Variants in PLD2 observed in about 807,000 individuals in gnomAD.
PLD2 encodes the protein choline phosphatase 2.
In PLD2, 101 loss-of-function variants were observed where a neutral mutation model predicts 119.8. The observed-to-expected ratio is 0.84, with a 90% CI of 0.72 to 0.99. The LOEUF is 0.99. Among genes scored for constraint, PLD2 ranks in the 50% least tolerant of loss-of-function variants. The pLI is 0.00. For missense variants in PLD2, 1,164 were observed against 1,226.8 expected, an observed-to-expected ratio of 0.95 and a Z score of 0.76; for synonymous variants, 494 against 482.8, an observed-to-expected ratio of 1.02 and a Z score of -0.30.
At position 4,818,494 on chromosome 17, in the gene PLD2, A is replaced by G; in HGVS notation, c.2010A>G (p.Lys670=). ...EIVDRILKAH[K]QGWCYRVYVL... ...ACCTCTGACTCCACCCCCTCCCCAG[A>G]CAGGGGTGGTGTTACCGAGTCTACG... The change falls in exon 20 of 25, where the codon AAA becomes AAG. Residue 670 remains lysine (K), a splice_region_variant and synonymous_variant. Coordinates refer to ENST00000263088, the MANE Select transcript of PLD2 (RefSeq NM_002663.5). The G allele has an allele frequency of 6.2e-7, 1 of 1,610,220 alleles. No homozygotes were observed.
rs190680584 is a variant in PLD2, at chr17:4,819,118, C to T, written c.2208C>T (p.Cys736=). The change falls in exon 22 of 25, where the codon TGC becomes TGT. Residue 736 remains cysteine (C), a synonymous_variant. Coordinates refer to ENST00000263088, the MANE Select transcript of PLD2 (RefSeq NM_002663.5). This position sits in a 1 kb window ranked among gnomAD's most constrained non-coding sequence, Gnocchi z 4.2. The stretch of plus-strand genomic sequence containing the variant: ...CATGGCGGGACTATATTTCCATCTG[C>T]GGGCTTCGTACACACGGAGAGCTGG... ...GTAWRDYISI[C]GLRTHGELGG... 1.2e-5 allele frequency: 19 copies of T among 1,614,180 alleles called. No individual in the cohort carries two copies. Among genetic ancestry groups the T allele is most frequent in the Middle Eastern group, 3.3e-4 (2 of 6,062 alleles).
chr17:4,814,711 G>A lies in PLD2; in HGVS notation c.1173G>A (p.Ala391=), dbSNP rs752387667. ...TGGACATTATGCTCAAGAGGAAGGC[G>A]GTGAGGAGAGTGGTCAGGCCGCAGG... The part of the protein sequence containing the change: ...WRLDIMLKRK[A]EEGVRVSILL... Residue 391 remains alanine, a splice_region_variant and synonymous_variant, in exon 12 of 25, where the codon GCG becomes GCA. Transcript: ENST00000263088. The A allele has an allele frequency of 2.0e-5, 33 of 1,613,708 alleles. No individual in the cohort carries two copies. The highest frequency in any genetic ancestry group is 3.3e-5 in the Admixed American group (2 of 59,958).
At position 4,809,904 on chromosome 17, in the gene PLD2, G is replaced by T. The variant is rs200261603; in HGVS notation, c.735G>T (p.Leu245=). Residue 245 remains leucine, a synonymous_variant, in exon 9 of 25, where the codon CTG becomes CTT. Coordinates refer to ENST00000263088, the MANE Select transcript of PLD2 (RefSeq NM_002663.5). ...GGCTGGTGGTGAAGGACTCCTTCCT[G>T]CTGTACATGTGCCTCGAGACAGGTG... ...KRWLVVKDSF[L]LYMCLETGAI... The T allele has an allele frequency of 8.9e-5, 143 of 1,614,206 alleles. No individual in the cohort carries two copies. The East Asian group carries it at 3.2e-3, about 36-fold the overall frequency.
chr17:4,812,911 G>C (rs757841131), intron 10 of PLD2, among the ~76,000 whole-genome samples: 3 of 152,186 alleles, frequency 2.0e-5, no homozygotes, highest in South Asian at 2.1e-4. Flanking sequence ...GAGAAGCTGG[G>C]AGTCAGTGGC....
Position 4,822,670 on chromosome 17 carries a change from C to G in PLD2, c.2608C>G (p.Arg870Gly), listed in dbSNP as rs775771052. The change falls in exon 25 of 25, where the codon CGT (arginine) becomes GGT (glycine). Residue 870 changes from arginine to glycine, a missense_variant. Physicochemically the swap from Arg to Gly is moderately radical, Grantham distance 125 (BLOSUM62 -2). Transcript: ENST00000263088. ...CCGCTGCCTGCCATCCAATGCCACG[C>G]GTTCCCTGCGGACTCTCCGGGAGTA... Reference protein sequence around the residue: ...IFRCLPSNATRSLRTLREYVA... With the variant: ...IFRCLPSNATGSLRTLREYVA... The G allele has an allele frequency of 6.2e-6, 10 of 1,612,904 alleles. No homozygotes were observed. In the African/African-American group the frequency reaches 1.1e-4, roughly 17 times the overall value.
rs1907692859 is a variant in PLD2 at position 4,821,800 on chromosome 17, C to G, written c.2470C>G (p.Leu824Val). 1 of 1,612,416 alleles carries G rather than the reference C, an allele frequency of 6.2e-7. No homozygotes were observed. Among genetic ancestry groups the G allele is most frequent in the Non-Finnish European group, 8.5e-7 (1 of 1,178,544 alleles). ...GACCCCTTTCTCCTATAGTGTGATT[C>G]TTGGAGCAAATACCCGGCCAGACTT... Reference protein sequence around the residue: ...SLRKHCFGVILGANTRPDLDL... With the variant: ...SLRKHCFGVIVGANTRPDLDL... Residue 824 changes from leucine (L) to valine (V), a missense_variant, in exon 24 of 25, where the codon CTT (leucine) becomes GTT (valine). By Grantham distance (32) the Leu-to-Val change is conservative. Coordinates refer to ENST00000263088, the MANE Select transcript of PLD2 (RefSeq NM_002663.5).
At position 4,809,753 on chromosome 17, in the gene PLD2, G is replaced by A. The variant is rs139869509; in HGVS notation, c.677G>A (p.Arg226Gln). The change falls in exon 8 of 25, where the codon CGA becomes CAA. Residue 226 changes from arginine (R) to glutamine (Q), a missense_variant. Transcript: ENST00000263088. Reference sequence around the variant, plus strand: ...GTTCCTGGCCTCACCTGCTGTGGCCGAGACCAAGTTTGTTATCGCTGGTCC... The same window carrying A: ...GTTCCTGGCCTCACCTGCTGTGGCCAAGACCAAGTTTGTTATCGCTGGTCC... ...HRVPGLTCCGRDQVCYRWSKR... is the reference protein window; with the variant it reads ...HRVPGLTCCGQDQVCYRWSKR... The A allele has an allele frequency of 3.1e-5, 50 of 1,614,054 alleles. No individual in the cohort carries two copies. Among genetic ancestry groups the A allele is most frequent in the Admixed American group, 1.5e-4 (9 of 60,002 alleles).
chr17:4,814,240 T>C lies in PLD2; in HGVS notation c.1011-178T>C, dbSNP rs1906747093. ...TGTGTCTTTTTGTAATTTTTATTTG[T>C]ATTTAGCGCATATGGGCAAACACTA... On this transcript the variant is annotated intron_variant, in intron 10 of 24. Transcript: ENST00000263088. The C allele has an allele frequency of 5.8e-6, 5 of 867,476 alleles. No individual in the cohort carries two copies. The South Asian group carries it at 8.9e-5, about 15-fold the overall frequency. 53.7% of individuals were successfully genotyped at this position (867,476 alleles called of 1,614,324 possible).
chr17:4,815,935 G>A lies in PLD2; in HGVS notation c.1455+1G>A, dbSNP rs111783835. ...CTCCTCTGAATCAGCTGCCTCCCAG[G>A]TAATCCCCCTGAGGCCTTCCTGAGC... On this transcript the variant is annotated splice_donor_variant, in intron 14 of 24. Coordinates refer to ENST00000263088, the MANE Select transcript of PLD2 (RefSeq NM_002663.5). LOFTEE classifies it high-confidence loss of function. 1 of 1,611,002 alleles carries A rather than the reference G, an allele frequency of 6.2e-7. No homozygotes were observed. Among genetic ancestry groups the A allele is most frequent in the Non-Finnish European group, 8.5e-7 (1 of 1,177,334 alleles).
chr17:4,815,939 T>A lies in PLD2; in HGVS notation c.1455+5T>A. ...TCTGAATCAGCTGCCTCCCAGGTAA[T>A]CCCCCTGAGGCCTTCCTGAGCACCC... On this transcript the variant is annotated splice_donor_5th_base_variant and intron_variant, in intron 14 of 24. Coordinates refer to ENST00000263088, the MANE Select transcript of PLD2 (RefSeq NM_002663.5). 1 of 1,605,158 alleles carries A rather than the reference T, an allele frequency of 6.2e-7. No homozygotes were observed. Among genetic ancestry groups the A allele is most frequent in the African/African-American group, 1.3e-5 (1 of 74,836 alleles).
At position 4,808,507 on chromosome 17, in the gene PLD2, CT is replaced by C. The variant is rs1185901287; in HGVS notation, c.383+92del. 1 of 1,295,366 alleles carries C rather than the reference CT, an allele frequency of 7.7e-7. No individual in the cohort carries two copies. 80.2% of individuals were successfully genotyped at this position (1,295,366 alleles called of 1,614,324 possible). On this transcript the variant is annotated intron_variant, in intron 4 of 24. Transcript: ENST00000263088. The surrounding 1 kb of genome is among the most constrained non-coding windows in gnomAD (Gnocchi z 4.1). ...ACCCCGGGGCCACAACCTTTCCTCCCTGCAACTCTGGCCACTGTGCTGCCTC... is the reference window on the plus strand; with the variant it reads ...ACCCCGGGGCCACAACCTTTCCTCCCGCAACTCTGGCCACTGTGCTGCCTC...
rs1238119587 is a variant in PLD2, at chr17:4,809,902, C to G, written c.733C>G (p.Leu245Val). The change falls in exon 9 of 25, where the codon CTG becomes GTG. Residue 245 changes from leucine (L) to valine (V), a missense_variant. Leu to Val is a conservative substitution (Grantham distance 32). Transcript: ENST00000263088. Reference protein sequence around the residue: ...KRWLVVKDSFLLYMCLETGAI... With the variant: ...KRWLVVKDSFVLYMCLETGAI... ...GTGGCTGGTGGTGAAGGACTCCTTC[C>G]TGCTGTACATGTGCCTCGAGACAGG... 6.2e-7 allele frequency: 1 copy of G among 1,614,200 alleles called. No homozygotes were observed. The highest frequency in any genetic ancestry group is 2.2e-5 in the East Asian group (1 of 44,880).
Position 4,808,692 on chromosome 17 carries a change from T to C in PLD2, c.383+276T>C, listed in dbSNP as rs1346776840. On this transcript the variant is annotated intron_variant, in intron 4 of 24. Coordinates refer to ENST00000263088, the MANE Select transcript of PLD2 (RefSeq NM_002663.5). The surrounding 1 kb of genome is among the most constrained non-coding windows in gnomAD (Gnocchi z 4.1). ...GTAGGGGGCCTCCGTTTTGCCAGCC[T>C]CTAGGCCTTTTGTTTGTTTTTTGTT... Among the ~76,000 whole-genome samples, 1 of 152,108 alleles carries C rather than the reference T, an allele frequency of 6.6e-6. No homozygotes were observed. The highest frequency in any genetic ancestry group is 1.5e-5 in the Non-Finnish European group (1 of 68,024).
Position 4,808,399 on chromosome 17 carries a change from T to C in PLD2, c.366T>C (p.Ser122=), listed in dbSNP as rs776589680. 126 of 1,613,780 alleles carry C rather than the reference T, an allele frequency of 7.8e-5. No homozygotes were observed. The highest frequency in any genetic ancestry group is 1.0e-4 in the Non-Finnish European group (118 of 1,179,906). ...RDLLRHKVLM[S]LLPLARFAVA... Reference sequence around the variant, plus strand: ...TCCTGAGACACAAAGTCTTGATGAGTCTGCTCCCTCTGGCTCGGTGAGGGC... The same window carrying C: ...TCCTGAGACACAAAGTCTTGATGAGCCTGCTCCCTCTGGCTCGGTGAGGGC... The change falls in exon 4 of 25, where the codon AGT becomes AGC. Residue 122 remains serine, a synonymous_variant. Transcript: ENST00000263088. This position sits in a 1 kb window ranked among gnomAD's most constrained non-coding sequence, Gnocchi z 4.1.
chr17:4,814,453 C>G lies in PLD2; in HGVS notation c.1046C>G (p.Ala349Gly). Residue 349 changes from alanine (A) to glycine (G), a missense_variant, in exon 11 of 25, where the codon GCA becomes GGA. By Grantham distance (60) the Ala-to-Gly change is moderately conservative. Coordinates refer to ENST00000263088, the MANE Select transcript of PLD2 (RefSeq NM_002663.5). ...VNGAGYFAAV[A>G]DAILRAQEEI... ...GGGGCAGGTTACTTTGCTGCTGTGG[C>G]AGATGCCATCCTTCGAGCTCAAGAG... 6.2e-7 allele frequency: 1 copy of G among 1,612,906 alleles called. No homozygotes were observed. The highest frequency in any genetic ancestry group is 8.5e-7 in the Non-Finnish European group (1 of 1,179,730).
rs754519158 is a variant in PLD2, at chr17:4,819,261, G to A, written c.2308+43G>A. 1.2e-6 allele frequency: 2 copies of A among 1,610,766 alleles called. No individual in the cohort carries two copies. Among genetic ancestry groups the A allele is most frequent in the Non-Finnish European group, 1.7e-6 (2 of 1,178,612 alleles). ...TCCTCTGGCAGGGAGAGGGTGTGGG[G>A]ACAGGCGAAGAGATGAGAGGCAGGA... On this transcript the variant is annotated intron_variant, in intron 22 of 24. Transcript: ENST00000263088. This position sits in a 1 kb window ranked among gnomAD's most constrained non-coding sequence, Gnocchi z 4.2.
At position 4,819,639 on chromosome 17, in the gene PLD2, G is replaced by A; in HGVS notation, c.2462+57G>A. 6.5e-7 allele frequency: 1 copy of A among 1,526,774 alleles called. No individual in the cohort carries two copies. The highest frequency in any genetic ancestry group is 1.2e-5 in the South Asian group (1 of 80,848). The allele number at this position is 1,526,774 out of a possible 1,614,324, so 94.6% of individuals were successfully genotyped here. ...AGGGAGATGGGGGCGTCTGCCTTTT[G>A]AGCAGGACAAGAGGTAGCACCGCAT... is the stretch of plus-strand genomic sequence containing the variant. On this transcript the variant is annotated intron_variant, in intron 23 of 24. Transcript: ENST00000263088. This position sits in a 1 kb window ranked among gnomAD's most constrained non-coding sequence, Gnocchi z 4.2.
chr17:4,816,821 G>A, intron 15 of PLD2, 75 bp downstream of exon 15: 2 of 1,607,486 alleles, frequency 1.2e-6, no homozygotes, highest in Non-Finnish European at 1.7e-6. Context: ...CTGAGAGTGG[G>A]ATGAGAGGGG....
In PLD2 at chr17:4,808,041, C is replaced by G. The variant is rs746932791; in HGVS notation, c.167C>G (p.Pro56Arg). Residue 56 changes from proline to arginine, a missense_variant, in exon 3 of 25, where the codon CCC becomes CGC. Transcript: ENST00000263088. The surrounding 1 kb of genome is among the most constrained non-coding windows in gnomAD (Gnocchi z 4.1). ...IYELQSLKVH[P>R]LVFAPGVPVT... ...GAGCTTCAGTCTCTGAAAGTGCACC[C>G]CTTGGTGTTCGCACCTGGGGTCCCT... 6.2e-7 allele frequency: 1 copy of G among 1,613,120 alleles called. No homozygotes were observed. The highest frequency in any genetic ancestry group is 1.1e-5 in the South Asian group (1 of 91,042).
Sources: gnomAD v4.1 joint callset for allele counts (sites outside exome capture counted in the v4.1 genomes callset) on GRCh38, gnomAD v4.1.1 for gene constraint, Gnocchi (gnomAD v3.1) non-coding constraint, MANE v1.5 for transcripts, NCBI Gene and HGNC (gene_info 2026-07-23, HGNC 2026-07-21) for gene names.